SEMA6D: variants seen among roughly 807,000 people sequenced by gnomAD.
SEMA6D encodes the protein semaphorin 6D.
SEMA6D carries 35 observed loss-of-function variants against 106.6 expected under a neutral mutation model. The observed-to-expected ratio is 0.33, with a 90% CI of 0.25 to 0.44. The LOEUF is 0.44. Ranked by LOEUF, SEMA6D falls within the 20% of genes least tolerant of loss-of-function variation. SEMA6D has a pLI of 1.00. For missense variants in SEMA6D, 1,185 were observed against 1,345.9 expected (o/e 0.88, Z 1.87); for synonymous variants, 499 against 487.7 (o/e 1.02, Z -0.31).
chr15:47,671,658 A>G (rs748497926), intron 4 of SEMA6D, among the ~76,000 whole-genome samples: 13 of 152,212 alleles, frequency 8.5e-5, no homozygotes, highest in Non-Finnish European at 1.6e-4. Flanking sequence ...AATACCACAA[A>G]GGATGGATTG....
At chr15:47,429,048 A>G (rs907187727) in intron 2 of SEMA6D, among the ~76,000 whole-genome samples, 2 of 151,922 alleles carry the variant, frequency 1.3e-5, no homozygotes, top group African/African-American at 4.8e-5. Context: ...ACAGGAGGAA[A>G]GGAAATTCCA....
chr15:47,427,310 T>A (rs1300504170), intron 2 of SEMA6D, among the ~76,000 whole-genome samples: 1 of 152,140 alleles, frequency 6.6e-6, no homozygotes, highest in African/African-American at 2.4e-5. Context: ...AAACCTGCTG[T>A]ATAGTGCATA....
At chr15:47,615,688 G>A (rs2076994710) in intron 4 of SEMA6D, among the ~76,000 whole-genome samples, 1 of 152,144 alleles carries the variant, frequency 6.6e-6, no homozygotes, top group Admixed American at 6.5e-5. Flanking sequence ...TACCACATCA[G>A]TCCAAATGAG....
intron 3 of SEMA6D, among the ~76,000 whole-genome samples, chr15:47,508,773 G>A (rs1596191744): frequency 1.3e-5 from 2 of 152,302 alleles, no homozygotes; most frequent in Middle Eastern, 3.4e-3. Flanking sequence ...GCCTTTCTGA[G>A]TTCAAATACT....
chr15:47,597,046 A>G (rs2076550873), intron 3 of SEMA6D, among the ~76,000 whole-genome samples: 1 of 152,156 alleles, frequency 6.6e-6, no homozygotes, highest in Non-Finnish European at 1.5e-5. Flanking sequence ...AGGGGTTAAT[A>G]TCCAAAATAT....
At chr15:47,353,674 G>C (rs902070445) in intron 1 of SEMA6D, among the ~76,000 whole-genome samples, 2 of 152,056 alleles carry the variant, frequency 1.3e-5, no homozygotes, top group Non-Finnish European at 2.9e-5. Context: ...AACTGCTGGA[G>C]CCTGGGGAAT....
At chr15:47,407,188 C>G (rs2040604108) in intron 1 of SEMA6D, among the ~76,000 whole-genome samples, 1 of 151,748 alleles carries the variant, frequency 6.6e-6, no homozygotes, top group Non-Finnish European at 1.5e-5. Context: ...ATGGTGAAAC[C>G]ATGTCTCTAC....
At chr15:47,309,458 A>G (rs2036359352) in intron 1 of SEMA6D, among the ~76,000 whole-genome samples, 1 of 152,220 alleles carries the variant, frequency 6.6e-6, no homozygotes, top group African/African-American at 2.4e-5. Flanking sequence ...ATTTTACTTA[A>G]TAATGGTCCC....
At chr15:47,535,127 C>G (rs1596264425) in intron 3 of SEMA6D, among the ~76,000 whole-genome samples, 1 of 141,690 alleles carries the variant, frequency 7.1e-6, no homozygotes, top group Admixed American at 7.1e-5. Flanking sequence ...ACACAAAAAA[C>G]AACAATGAGA....
intron 3 of SEMA6D, among the ~76,000 whole-genome samples, chr15:47,499,914 C>T (rs1370159358): frequency 7.7e-6 from 1 of 129,316 alleles, no homozygotes; most frequent in Non-Finnish European, 1.7e-5. Flanking sequence ...AATACCAGTA[C>T]TCCTACCCAT....
intron 1 of SEMA6D, among the ~76,000 whole-genome samples, chr15:47,235,751 G>C (rs538428671): frequency 6.6e-6 from 1 of 152,074 alleles, no homozygotes; most frequent in Admixed American, 6.6e-5. Context: ...GTCAGGTAAT[G>C]TGATACCTCC....
chr15:47,457,679 T>C (rs1427315730), intron 2 of SEMA6D, among the ~76,000 whole-genome samples: 1 of 151,992 alleles, frequency 6.6e-6, no homozygotes, highest in Non-Finnish European at 1.5e-5. Context: ...TCAAGCAGGC[T>C]AATATATTTG....
At chr15:47,251,023 A>C (rs776663011) in intron 1 of SEMA6D, among the ~76,000 whole-genome samples, 4 of 152,390 alleles carry the variant, frequency 2.6e-5, no homozygotes, top group Non-Finnish European at 5.9e-5. Context: ...GAAGTATCAG[A>C]TCAAAGCTAC....
At chr15:47,741,953 G>A (rs1330438358) in intron 1 of SEMA6D, among the ~76,000 whole-genome samples, 1 of 152,148 alleles carries the variant, frequency 6.6e-6, no homozygotes, top group Non-Finnish European at 1.5e-5. Flanking sequence ...TGCGAGGAGA[G>A]CAGAGAGAGG....
rs536542313 is a variant in SEMA6D, at chr15:47,534,253, C to T, written c.-87+63708C>T. Among the ~76,000 whole-genome samples the T allele has an allele frequency of 8.5e-5, 13 of 152,182 alleles. No individual in the cohort carries two copies. The South Asian group carries it at 2.5e-3, about 29-fold the overall frequency. On this transcript the variant is annotated intron_variant, in intron 3 of 19. Transcript: ENST00000558014. ...TCACCCAGGCTGGAGTACAGTGGCT[C>T]GATCTCGGCTCACTGCAACCTCTGC...
chr15:47,267,101 C>T (rs1344217331), intron 1 of SEMA6D, among the ~76,000 whole-genome samples: 5 of 152,022 alleles, frequency 3.3e-5, no homozygotes, highest in South Asian at 4.1e-4. Flanking sequence ...GCTGGCATAT[C>T]GTCACTGAAT....
At chr15:47,757,248 G>A (rs1031091448) in intron 1 of SEMA6D, among the ~76,000 whole-genome samples, 1 of 152,132 alleles carries the variant, frequency 6.6e-6, no homozygotes, top group South Asian at 2.1e-4. Context: ...GACACAGAAC[G>A]ATCTTTTTGT....
chr15:47,294,955 T>C (rs1270593032), intron 1 of SEMA6D, among the ~76,000 whole-genome samples: 1 of 152,244 alleles, frequency 6.6e-6, no homozygotes, highest in African/African-American at 2.4e-5. Context: ...TTGTGCAATA[T>C]TTCCTTTGTC....
intron 3 of SEMA6D, among the ~76,000 whole-genome samples, chr15:47,526,519 A>C (rs545034906): frequency 8.5e-5 from 13 of 152,332 alleles, no homozygotes; most frequent in African/African-American, 3.1e-4. Flanking sequence ...AGACCAAAGC[A>C]GCTAGCCAGT....
Sources: allele counts gnomAD v4.1 joint callset (sites outside exome capture counted in the v4.1 genomes callset), GRCh38; gene constraint gnomAD v4.1.1; transcripts MANE v1.5; gene names NCBI Gene and HGNC (gene_info 2026-07-23, HGNC 2026-07-21).